CDC42EP1: variants seen among roughly 807,000 people sequenced by gnomAD.
CDC42EP1 encodes CDC42 effector protein 1.
CDC42EP1 carries 6 observed loss-of-function variants against 7.4 expected under a neutral mutation model. The ratio of observed to expected loss-of-function variants is 0.81; its 90% CI spans 0.44 to 1.60. The LOEUF (loss-of-function observed/expected upper bound fraction) is 1.60. Ranked by LOEUF, CDC42EP1 falls within the 40% of genes most tolerant of loss-of-function variation. The pLI is 0.01. For missense variants in CDC42EP1, 567 were observed against 539.0 expected, an observed-to-expected ratio of 1.05 and a Z score of -0.51; for synonymous variants, 238 against 227.1, an observed-to-expected ratio of 1.05 and a Z score of -0.43.
chr22:37,565,074 A>T (rs1003305342), intron 1 of CDC42EP1, among the ~76,000 whole-genome samples: 1 of 152,058 alleles, frequency 6.6e-6, no homozygotes, highest in African/African-American at 2.4e-5. Flanking sequence ...CACCGCGCCC[A>T]GCCCCTCAGG....
chr22:37,568,725 C>CAGCTCT lies in CDC42EP1; in HGVS notation c.1081_1082insAGCTCT (p.Pro361delinsGlnLeuSer). 1.3e-6 allele frequency: 2 copies of CAGCTCT among 1,524,952 alleles called. No homozygotes were observed. Among genetic ancestry groups the CAGCTCT allele is most frequent in the Middle Eastern group, 3.6e-4 (2 of 5,612 alleles). 94.5% of individuals were successfully genotyped at this position (1,524,952 alleles called of 1,614,324 possible). A position where few individuals can be genotyped will look rare whatever the true frequency, so the allele number is the denominator to read the frequency against. ...GAGCCTGGACGAAGAGTGGAGGGCG[C>CAGCTCT]CCCAGGCAGGCAGCAGGACCCCAGT... On this transcript the variant is annotated protein_altering_variant, in exon 3 of 3. Coordinates refer to ENST00000249014, the MANE Select transcript of CDC42EP1 (RefSeq NM_152243.3).
chr22:37,568,505 C>A lies in CDC42EP1; in HGVS notation c.861C>A (p.Pro287=). Reference sequence around the variant, plus strand: ...GCTCCACACCCCATGGACACTGTCCCAATGGGGTAACAGCTGGGTTGGGCC... The same window carrying A: ...GCTCCACACCCCATGGACACTGTCCAAATGGGGTAACAGCTGGGTTGGGCC... ...AASSTPHGHC[P]NGVTAGLGPV... The change falls in exon 3 of 3, where the codon CCC becomes CCA. Residue 287 remains proline, a synonymous_variant. Coordinates refer to ENST00000249014, the MANE Select transcript of CDC42EP1 (RefSeq NM_152243.3). 6.2e-7 allele frequency: 1 copy of A among 1,609,224 alleles called. No individual in the cohort carries two copies. Among genetic ancestry groups the A allele is most frequent in the East Asian group, 2.2e-5 (1 of 44,638 alleles).
chr22:37,564,918 A>G (rs920906692), intron 1 of CDC42EP1, among the ~76,000 whole-genome samples: 77 of 152,114 alleles, frequency 5.1e-4, no homozygotes, highest in African/African-American at 1.8e-3. Context: ...AGCTGGGATT[A>G]CAGGCGCCCG....
intron 1 of CDC42EP1, among the ~76,000 whole-genome samples, chr22:37,561,972 G>T (rs1300585488): frequency 2.0e-5 from 3 of 152,230 alleles, no homozygotes; most frequent in Non-Finnish European, 4.4e-5. Context: ...CTCAGGCCAT[G>T]TGCCCAGGCC....
chr22:37,563,367 T>C (rs1164210844), intron 1 of CDC42EP1, among the ~76,000 whole-genome samples: 2 of 152,100 alleles, frequency 1.3e-5, no homozygotes, highest in Non-Finnish European at 2.9e-5. Context: ...TTTGCAGGGT[T>C]GTTGGAGAAT....
Position 37,568,701 on chromosome 22 carries a change from A to G in CDC42EP1, c.1057A>G (p.Ser353Gly), listed in dbSNP as rs913133482. 1 of 1,538,354 alleles carries G rather than the reference A, an allele frequency of 6.5e-7. No individual in the cohort carries two copies. The highest frequency in any genetic ancestry group is 8.8e-7 in the Non-Finnish European group (1 of 1,142,432). Residue 353 changes from serine to glycine, a missense_variant, in exon 3 of 3, where the codon AGC (serine) becomes GGC (glycine). Coordinates refer to ENST00000249014, the MANE Select transcript of CDC42EP1 (RefSeq NM_152243.3). ...VLPQARASWE[S>G]LDEEWRAPQA... ...GCCCCAAGCCCGGGCCTCCTGGGAG[A>G]GCCTGGACGAAGAGTGGAGGGCGCC...
chr22:37,566,323 A>C lies in CDC42EP1; in HGVS notation c.-27A>C. ...CTCCCCCGGCCCCTGGTAGGCATGG[A>C]CTAGCAGCTGTGAGCAGCCAGAGCT... is the stretch of plus-strand genomic sequence containing the variant. On this transcript the variant is annotated 5_prime_UTR_variant, in exon 2 of 3. Transcript: ENST00000249014. This position sits in a 1 kb window ranked among gnomAD's most constrained non-coding sequence, Gnocchi z 6.4. The C allele has an allele frequency of 1.3e-6, 1 of 796,382 alleles. No homozygotes were observed. The highest frequency in any genetic ancestry group is 1.7e-6 in the Non-Finnish European group (1 of 588,874). The allele number at this position is 796,382 out of a possible 1,614,324, so 49.3% of individuals were successfully genotyped here.
At position 37,568,417 on chromosome 22, in the gene CDC42EP1, A is replaced by C. The variant is rs187761157; in HGVS notation, c.773A>C (p.Asn258Thr). The change falls in exon 3 of 3, where the codon AAC becomes ACC. Residue 258 changes from asparagine (N) to threonine (T), a missense_variant. Asn to Thr is a moderately conservative substitution (Grantham distance 65). Transcript: ENST00000249014. The stretch of plus-strand genomic sequence containing the variant: ...GCAAACCCCCCAGCGCCTGCTGCAA[A>C]CCCCTCAGCACCTGCCGCAACCCCC... ...TTANPPAPAA[N>T]PSAPAATPTG... The C allele has an allele frequency of 8.1e-5, 28 of 345,164 alleles. No homozygotes were observed. Among genetic ancestry groups the C allele is most frequent in the South Asian group, 2.6e-4 (5 of 19,578 alleles). 21.4% of individuals were successfully genotyped at this position (345,164 alleles called of 1,614,324 possible). A position where few individuals can be genotyped will look rare whatever the true frequency, so the allele number is the denominator to read the frequency against.
At chr22:37,560,645 C>T (rs538094962) in intron 1 of CDC42EP1, 57 bp downstream of exon 1, 5 of 150,922 alleles carry the variant, frequency 3.3e-5, no homozygotes, top group Admixed American at 2.6e-4. Context: ...CGGCGGGTCC[C>T]GGCGCCCGCG....
rs779661388 is a variant in CDC42EP1, at chr22:37,568,200, G to T, written c.556G>T (p.Gly186Trp). The change falls in exon 3 of 3, where the codon GGG (glycine) becomes TGG (tryptophan). Residue 186 changes from glycine (G) to tryptophan (W), a missense_variant. Transcript: ENST00000249014. ...GGATGGTTCCTTCCCCTCTGAGCCC[G>T]GGCTTCGCCGCTCTGACTCTCTCTT... is the stretch of plus-strand genomic sequence containing the variant. ...DRDGSFPSEP[G>W]LRRSDSLLSF... 8 of 1,613,774 alleles carry T rather than the reference G, an allele frequency of 5.0e-6. No individual in the cohort carries two copies. The South Asian group carries it at 6.6e-5, about 13-fold the overall frequency.
At chr22:37,560,943 G>T (rs1925015103) in intron 1 of CDC42EP1, among the ~76,000 whole-genome samples, 1 of 151,498 alleles carries the variant, frequency 6.6e-6, no homozygotes, top group Admixed American at 6.6e-5. Context: ...GGCAGCGGGC[G>T]ACGCGGCGGA....
Position 37,568,749 on chromosome 22 carries a change from G to C in CDC42EP1, c.1105G>C (p.Val369Leu), listed in dbSNP as rs188072161. The C allele has an allele frequency of 2.8e-5, 43 of 1,523,090 alleles. No individual in the cohort carries two copies. Among genetic ancestry groups the C allele is most frequent in the Non-Finnish European group, 2.4e-5 (27 of 1,136,910 alleles). The allele number at this position is 1,523,090 out of a possible 1,614,324, so 94.3% of individuals were successfully genotyped here. A position where few individuals can be genotyped will look rare whatever the true frequency, so the allele number is the denominator to read the frequency against. ...GCCCCAGGCAGGCAGCAGGACCCCA[G>C]TGCCCAGCACAGTGCAAGCAAACAC... ...RAPQAGSRTPVPSTVQANTFE... is the reference protein window; with the variant it reads ...RAPQAGSRTPLPSTVQANTFE... The change falls in exon 3 of 3, where the codon GTG becomes CTG. Residue 369 changes from valine to leucine, a missense_variant. Coordinates refer to ENST00000249014, the MANE Select transcript of CDC42EP1 (RefSeq NM_152243.3).
rs778789525 is a variant in CDC42EP1, at chr22:37,566,797, G to A, written c.448G>A (p.Gly150Ser). The A allele has an allele frequency of 1.3e-4, 203 of 1,564,936 alleles. 1 individual carries two copies. Among genetic ancestry groups the A allele is most frequent in the South Asian group, 1.8e-4 (15 of 83,128 alleles). ...CAGCAGCCCCACCAGCTCCACGGAC[G>A]GCCACTCCAGCTACGGTGAGGGCCT... ...FDSSPTSSTD[G>S]HSSYGLDSGF... The change falls in exon 2 of 3, where the codon GGC (glycine) becomes AGC (serine). Residue 150 changes from glycine to serine, a missense_variant. Transcript: ENST00000249014. This position sits in a 1 kb window ranked among gnomAD's most constrained non-coding sequence, Gnocchi z 6.4.
Position 37,566,839 on chromosome 22 carries a change from C to G in CDC42EP1, c.463+27C>G. ...TGAGGGCCTGGGCCATCTTGGCCCA[C>G]TTTTCAGAGGCTGAGGCTGAGGCCC... On this transcript the variant is annotated intron_variant, in intron 2 of 2. Coordinates refer to ENST00000249014, the MANE Select transcript of CDC42EP1 (RefSeq NM_152243.3). The surrounding 1 kb of genome is among the most constrained non-coding windows in gnomAD (Gnocchi z 6.4). 1 of 1,497,640 alleles carries G rather than the reference C, an allele frequency of 6.7e-7. No individual in the cohort carries two copies. The highest frequency in any genetic ancestry group is 1.3e-5 in the South Asian group (1 of 75,344). The allele number at this position is 1,497,640 out of a possible 1,614,324, so 92.8% of individuals were successfully genotyped here.
Position 37,568,563 on chromosome 22 carries a change from G to A in CDC42EP1, c.919G>A (p.Gly307Arg), listed in dbSNP as rs766928175. The part of the protein sequence containing the change: ...VAEVKSSPVG[G>R]GPRGPAGPAL... ...TGAGGTGAAGTCCAGCCCAGTGGGA[G>A]GGGGTCCCCGAGGACCTGCTGGCCC... Residue 307 changes from glycine to arginine, a missense_variant, in exon 3 of 3, where the codon GGG (glycine) becomes AGG (arginine). By Grantham distance (125) the Gly-to-Arg change is moderately radical (BLOSUM62 -2). Transcript: ENST00000249014. 6.2e-7 allele frequency: 1 copy of A among 1,606,356 alleles called. No homozygotes were observed. Among genetic ancestry groups the A allele is most frequent in the Non-Finnish European group, 8.5e-7 (1 of 1,176,628 alleles).
Position 37,568,299 on chromosome 22 carries a change from G to T in CDC42EP1, c.655G>T (p.Ala219Ser). ...ELLGVMSLPE[A>S]PAAETPAPAA... ...GCTAGGGGTCATGAGCCTCCCAGAA[G>T]CCCCTGCAGCTGAGACTCCAGCCCC... Residue 219 changes from alanine to serine, a missense_variant, in exon 3 of 3, where the codon GCC becomes TCC. Physicochemically the swap from Ala to Ser is moderately conservative, Grantham distance 99. Coordinates refer to ENST00000249014, the MANE Select transcript of CDC42EP1 (RefSeq NM_152243.3). The T allele has an allele frequency of 6.2e-7, 1 of 1,612,928 alleles. No individual in the cohort carries two copies. The highest frequency in any genetic ancestry group is 8.5e-7 in the Non-Finnish European group (1 of 1,179,888).
intron 1 of CDC42EP1, 122 bp from the exon 2 acceptor site, chr22:37,565,949 TG>T (rs1925218610): frequency 6.1e-6 from 1 of 164,910 alleles, no homozygotes; most frequent in African/African-American, 2.4e-5. Context: ...CCGCGTCAGT[TG>T]GAGGCCTCCA....
rs10427826 is a variant in CDC42EP1, at chr22:37,566,035, G to T, written c.-278-37G>T. 0.029 allele frequency: 8,547 copies of T among 290,068 alleles called. 555 individuals carry two copies. Among genetic ancestry groups the T allele is most frequent in the African/African-American group, 0.14 (6,471 of 46,026 alleles). The allele number at this position is 290,068 out of a possible 1,614,324, so 18.0% of individuals were successfully genotyped here. A position where few individuals can be genotyped will look rare whatever the true frequency, so the allele number is the denominator to read the frequency against. ...GACCCCGGATTTCCTCCTCTGTCGCGGGCCTGCCGTCACCGCCCATTCTGT... is the reference window on the plus strand; with the variant it reads ...GACCCCGGATTTCCTCCTCTGTCGCTGGCCTGCCGTCACCGCCCATTCTGT... On this transcript the variant is annotated intron_variant, in intron 1 of 2. Transcript: ENST00000249014. This position sits in a 1 kb window ranked among gnomAD's most constrained non-coding sequence, Gnocchi z 6.4.
chr22:37,568,450 C>A lies in CDC42EP1; in HGVS notation c.806C>A (p.Pro269His). The A allele has an allele frequency of 6.3e-7, 1 of 1,591,774 alleles. No individual in the cohort carries two copies. Residue 269 changes from proline to histidine, a missense_variant, in exon 3 of 3, where the codon CCT becomes CAT. By Grantham distance (77) the Pro-to-His change is moderately conservative (BLOSUM62 -2). Transcript: ENST00000249014. ...PSAPAATPTG[P>H]AANPPAPAAS... ...GCACCTGCCGCAACCCCCACGGGTC[C>A]TGCTGCAAATCCCCCAGCCCCTGCC...
Sources: gnomAD v4.1 joint callset for allele counts (sites outside exome capture counted in the v4.1 genomes callset) on GRCh38, gnomAD v4.1.1 for gene constraint, Gnocchi (gnomAD v3.1) non-coding constraint, MANE v1.5 for transcripts, NCBI Gene and HGNC (gene_info 2026-07-23, HGNC 2026-07-21) for gene names.